The following LAMA2 variants were observed in gnomAD, a reference collection of about 807,000 sequenced individuals.
LAMA2 encodes laminin subunit alpha 2, also known as laminin subunit alpha-2.
Under a neutral mutation model 364.8 loss-of-function variants are expected in LAMA2, and 269 were observed. The ratio of observed to expected loss-of-function variants is 0.74; its 90% CI spans 0.67 to 0.82. The LOEUF is 0.82. Among genes scored for constraint, LAMA2 ranks in the 40% least tolerant of loss-of-function variants. The pLI is 0.00. For synonymous variants in LAMA2, 1,379 were observed against 1,370.6 expected, an observed-to-expected ratio of 1.01 and a Z score of -0.14; for missense variants, 3,807 against 3,873.2, an observed-to-expected ratio of 0.98 and a Z score of 0.45.
chr6:129,084,066 T>C (rs1774230271), intron 3 of LAMA2, among the ~76,000 whole-genome samples: 1 of 152,210 alleles, frequency 6.6e-6, no homozygotes, highest in African/African-American at 2.4e-5. Context: ...TTGATAATAT[T>C]TGTAAAACAA....
At chr6:129,179,495 G>A (rs1391063930) in intron 10 of LAMA2, among the ~76,000 whole-genome samples, 3 of 152,152 alleles carry the variant, frequency 2.0e-5, no homozygotes, top group Admixed American at 6.6e-5. Flanking sequence ...CAAGAGAGCT[G>A]TAGTGATTAG....
Position 129,353,164 on chromosome 6 carries a change from G to T in LAMA2, c.4524G>T (p.Arg1508Ser), listed in dbSNP as rs1412240094. 1.2e-6 allele frequency: 2 copies of T among 1,612,044 alleles called. No homozygotes were observed. Among genetic ancestry groups the T allele is most frequent in the African/African-American group, 2.7e-5 (2 of 74,856 alleles). Residue 1508 changes from arginine (R) to serine (S), a missense_variant and splice_region_variant, in exon 32 of 65, where the codon AGG (arginine) becomes AGT (serine). Physicochemically the swap from Arg to Ser is moderately radical, Grantham distance 110. Transcript: ENST00000421865. ...TTGCTTTGTCACTGTTTCAATTCAGGTGTGCCCCTGGCTATACTGGCAGTC... is the reference window on the plus strand; with the variant it reads ...TTGCTTTGTCACTGTTTCAATTCAGTTGTGCCCCTGGCTATACTGGCAGTC... Reference protein sequence around the residue: ...PRGYEGQYCERCAPGYTGSPG... With the variant: ...PRGYEGQYCESCAPGYTGSPG...
At chr6:129,239,165 T>C (rs1467901256) in intron 12 of LAMA2, among the ~76,000 whole-genome samples, 1 of 152,176 alleles carries the variant, frequency 6.6e-6, no homozygotes, top group Non-Finnish European at 1.5e-5. Flanking sequence ...TATGAGGTAG[T>C]TACTGTTATA....
chr6:128,996,806 A>G (rs1783972145), intron 1 of LAMA2, among the ~76,000 whole-genome samples: 1 of 152,210 alleles, frequency 6.6e-6, no homozygotes, highest in Admixed American at 6.5e-5. Context: ...AAATCATTCT[A>G]CTATAAAGAC....
chr6:129,057,500 T>A (rs940174314), intron 2 of LAMA2, among the ~76,000 whole-genome samples: 14 of 152,328 alleles, frequency 9.2e-5, no homozygotes, highest in African/African-American at 3.4e-4. Context: ...GAGGTTATTA[T>A]TACTTGGAAA....
At position 129,474,713 on chromosome 6, in the gene LAMA2, T is replaced by C. The variant is rs562879376; in HGVS notation, c.7440-677T>C. Among the ~76,000 whole-genome samples, 15 of 152,322 alleles carry C rather than the reference T, an allele frequency of 9.8e-5. No homozygotes were observed. In the East Asian group the frequency reaches 2.7e-3, roughly 27 times the overall value. Reference sequence around the variant, plus strand: ...ATTCTAGTGATGATTTTAATTATCATAAAATAATTTTTAGGAATTATCTAT... The same window carrying C: ...ATTCTAGTGATGATTTTAATTATCACAAAATAATTTTTAGGAATTATCTAT... On this transcript the variant is annotated intron_variant, in intron 52 of 64. Coordinates refer to ENST00000421865, the MANE Select transcript of LAMA2 (RefSeq NM_000426.4).
At chr6:129,070,019 C>CA (rs888157745) in intron 3 of LAMA2, among the ~76,000 whole-genome samples, 3 of 151,538 alleles carry the variant, frequency 2.0e-5, no homozygotes, top group South Asian at 2.1e-4. Flanking sequence ...ACAAACATGG[C>CA]AAAAAAAGGC....
At chr6:129,282,775 T>C (rs1226221316) in intron 18 of LAMA2, among the ~76,000 whole-genome samples, 1 of 152,172 alleles carries the variant, frequency 6.6e-6, no homozygotes, top group African/African-American at 2.4e-5. Flanking sequence ...ATCTCTACCA[T>C]CATCATTTTT....
chr6:129,323,564 G>A (rs1198594595), intron 28 of LAMA2, among the ~76,000 whole-genome samples: 2 of 151,990 alleles, frequency 1.3e-5, no homozygotes, highest in Non-Finnish European at 2.9e-5. Context: ...GTCAAACAAA[G>A]GACACCATTT....
chr6:129,282,074 C>A (rs747309607), intron 18 of LAMA2, among the ~76,000 whole-genome samples: 11 of 152,096 alleles, frequency 7.2e-5, no homozygotes, highest in Admixed American at 2.0e-4. Flanking sequence ...GTGTGATCAG[C>A]TTATGCACAT....
At position 129,235,051 on chromosome 6, in the gene LAMA2, T is replaced by C. The variant is rs1295365221; in HGVS notation, c.1783-15061T>C. Among the ~76,000 whole-genome samples the C allele has an allele frequency of 2.0e-5, 3 of 152,196 alleles. No homozygotes were observed. In the East Asian group the frequency reaches 5.8e-4, roughly 29 times the overall value. On this transcript the variant is annotated intron_variant, in intron 12 of 64. Transcript: ENST00000421865. ...ACATATTTCTGAAATGTTAAGAAGATAATTTTATAATTCAAACCTGTACAA... is the reference window on the plus strand; with the variant it reads ...ACATATTTCTGAAATGTTAAGAAGACAATTTTATAATTCAAACCTGTACAA...
At chr6:129,327,019 C>T (rs1583500933) in intron 28 of LAMA2, among the ~76,000 whole-genome samples, 1 of 151,490 alleles carries the variant, frequency 6.6e-6, no homozygotes, top group Middle Eastern at 3.4e-3. Context: ...TATGTATAAA[C>T]TTTATTAAAT....
chr6:129,246,881 A>G (rs1381338441), intron 12 of LAMA2, among the ~76,000 whole-genome samples: 1 of 152,178 alleles, frequency 6.6e-6, no homozygotes, highest in Admixed American at 6.5e-5. Flanking sequence ...ACGTATACTC[A>G]GAATATTCTC....
At chr6:129,219,659 G>C (rs1303212458) in intron 12 of LAMA2, among the ~76,000 whole-genome samples, 40 of 143,900 alleles carry the variant, frequency 2.8e-4, no homozygotes, top group African/African-American at 7.8e-4. Context: ...AAAAAATGAT[G>C]AGTTCATGTC....
At chr6:129,247,295 C>CA (rs1304426630) in intron 12 of LAMA2, among the ~76,000 whole-genome samples, 2 of 151,898 alleles carry the variant, frequency 1.3e-5, no homozygotes, top group Non-Finnish European at 2.9e-5. Flanking sequence ...ACAAAAAATA[C>CA]AAAAAATTAT....
chr6:129,450,176 G>C lies in LAMA2; in HGVS notation c.6430-2812G>C, dbSNP rs1782604260. ...AATCCCGTTTTTTTTTTTTTACCAG[G>C]CTTACCTAAGCAATGACTGAAATTC... is the stretch of plus-strand genomic sequence containing the variant. On this transcript the variant is annotated intron_variant, in intron 45 of 64. Coordinates refer to ENST00000421865, the MANE Select transcript of LAMA2 (RefSeq NM_000426.4). 2.0e-5 allele frequency among the ~76,000 whole-genome samples: 3 copies of C among 150,956 alleles called. No homozygotes were observed. In the South Asian group the frequency reaches 6.3e-4, roughly 32 times the overall value.
At chr6:129,169,756 C>A (rs1239173994) in intron 9 of LAMA2, among the ~76,000 whole-genome samples, 1 of 139,012 alleles carries the variant, frequency 7.2e-6, no homozygotes, top group Non-Finnish European at 1.5e-5. Flanking sequence ...CCTCCTTGTA[C>A]CTCTGGTAGA....
At chr6:129,288,993 TATC>T (rs1789493824) in intron 19 of LAMA2, among the ~76,000 whole-genome samples, 2 of 152,286 alleles carry the variant, frequency 1.3e-5, no homozygotes, top group African/African-American at 4.8e-5. Flanking sequence ...TGTAGCCTAT[TATC>T]AACTCTACTG....
At chr6:129,249,323 A>G (rs985733078) in intron 12 of LAMA2, among the ~76,000 whole-genome samples, 2 of 152,204 alleles carry the variant, frequency 1.3e-5, no homozygotes, top group African/African-American at 2.4e-5. Flanking sequence ...CAGCATTTGC[A>G]TTGAATCTGT....
Sources: gnomAD v4.1 joint callset for allele counts (sites outside exome capture counted in the v4.1 genomes callset) on GRCh38, gnomAD v4.1.1 for gene constraint, MANE v1.5 for transcripts, NCBI Gene and HGNC (gene_info 2026-07-23, HGNC 2026-07-21) for gene names.